Variants in RAB11FIP4 observed in about 807,000 individuals in gnomAD.
RAB11FIP4 encodes RAB11 family interacting protein 4.
In RAB11FIP4, 23 loss-of-function variants were observed where a neutral mutation model predicts 74.3. The ratio of observed to expected loss-of-function variants is 0.31; its 90% CI spans 0.22 to 0.44. RAB11FIP4 has a LOEUF of 0.44. Among genes scored for constraint, RAB11FIP4 ranks in the 20% least tolerant of loss-of-function variants. The pLI is 1.00. For synonymous variants in RAB11FIP4, 360 were observed against 359.9 expected (o/e 1.00, Z 0.00); for missense variants, 630 against 863.9 (o/e 0.73, Z 3.39).
chr17:31,404,216 C>A (rs1446447762), intron 1 of RAB11FIP4, among the ~76,000 whole-genome samples: 1 of 152,246 alleles, frequency 6.6e-6, no homozygotes. Flanking sequence ...ACCACACACT[C>A]CTGTTCCTGC....
At chr17:31,405,511 A>G (rs1467002072) in intron 1 of RAB11FIP4, among the ~76,000 whole-genome samples, 1 of 152,112 alleles carries the variant, frequency 6.6e-6, no homozygotes, top group African/African-American at 2.4e-5. Context: ...CTGGGACTAC[A>G]GGCATTTGCG....
At chr17:31,468,364 G>A (rs912605784) in intron 3 of RAB11FIP4, among the ~76,000 whole-genome samples, 2 of 152,170 alleles carry the variant, frequency 1.3e-5, no homozygotes, top group South Asian at 2.1e-4. Flanking sequence ...GCAGAGTGGA[G>A]AGGGCTTTGG....
intron 1 of RAB11FIP4, among the ~76,000 whole-genome samples, chr17:31,396,625 C>T (rs79140440): frequency 0.02 from 3,007 of 152,194 alleles, 126 homozygotes; most frequent in African/African-American, 0.068. Flanking sequence ...GATCTGGCAC[C>T]GGCCTCTGTG....
intron 3 of RAB11FIP4, among the ~76,000 whole-genome samples, chr17:31,470,002 T>G (rs1014190850): frequency 2.6e-5 from 4 of 152,246 alleles, no homozygotes; most frequent in Non-Finnish European, 5.9e-5. Flanking sequence ...AGGTCCTTCC[T>G]TCACACCATG....
At chr17:31,431,770 G>T (rs1423467521) in intron 1 of RAB11FIP4, 43 bp from the exon 2 acceptor site, 1 of 1,360,138 alleles carries the variant, frequency 7.4e-7, no homozygotes, top group African/African-American at 1.4e-5. Context: ...GTCTTCGGGA[G>T]ATCCTTGGGT....
At chr17:31,499,097 C>G (rs2142765937) in intron 3 of RAB11FIP4, among the ~76,000 whole-genome samples, 1 of 152,332 alleles carries the variant, frequency 6.6e-6, no homozygotes, top group South Asian at 2.1e-4. Flanking sequence ...GCTGGGACCT[C>G]TGGTCCATGC....
intron 1 of RAB11FIP4, among the ~76,000 whole-genome samples, chr17:31,419,254 C>G (rs548482933): frequency 2.7e-5 from 4 of 149,018 alleles, no homozygotes; most frequent in Non-Finnish European, 5.9e-5. Flanking sequence ...TAAGGAAGTT[C>G]CCTTATATTT....
intron 3 of RAB11FIP4, among the ~76,000 whole-genome samples, chr17:31,452,147 A>G (rs2071532908): frequency 6.6e-6 from 1 of 151,760 alleles, no homozygotes. Context: ...CTTGTTTGGC[A>G]CAGTCTTGAT....
chr17:31,517,866 G>T lies in RAB11FIP4; in HGVS notation c.552G>T (p.Leu184=), dbSNP rs1312227423. ...ACGGGGGACTTGGGGGCCTGTTTCT[G>T]CCAGAAGACAAGTGAGTTAAAACCA... ...EKDGGLGGLF[L]PEDKSLVHTP... Residue 184 remains leucine (L), a synonymous_variant, in exon 4 of 15, where the codon CTG becomes CTT. Coordinates refer to ENST00000621161, the MANE Select transcript of RAB11FIP4 (RefSeq NM_032932.6). 1.9e-6 allele frequency: 3 copies of T among 1,551,350 alleles called. No individual in the cohort carries two copies. The highest frequency in any genetic ancestry group is 2.6e-6 in the Non-Finnish European group (3 of 1,146,918).
intron 1 of RAB11FIP4, among the ~76,000 whole-genome samples, chr17:31,400,754 T>C (rs1324628486): frequency 1.3e-5 from 2 of 152,142 alleles, no homozygotes; most frequent in East Asian, 3.9e-4. Context: ...GGAAGAGGGC[T>C]GGGTGAGGAC....
chr17:31,496,526 T>C (rs1364352187), intron 3 of RAB11FIP4, among the ~76,000 whole-genome samples: 2 of 152,248 alleles, frequency 1.3e-5, no homozygotes, highest in African/African-American at 4.8e-5. Flanking sequence ...TGGACATTAC[T>C]CTTCTTCCCT....
At chr17:31,502,304 C>T (rs1008198340) in intron 3 of RAB11FIP4, among the ~76,000 whole-genome samples, 9 of 151,724 alleles carry the variant, frequency 5.9e-5, no homozygotes, top group Admixed American at 2.0e-4. Context: ...ATTGGCTGGG[C>T]GAGGTGGCTC....
intron 14 of RAB11FIP4, chr17:31,531,057 C>T (rs223130): frequency 1 from 157,618 of 157,706 alleles, 78,766 homozygotes; most frequent in Middle Eastern, 1. Flanking sequence ...ACATGAATTA[C>T]AAGACACTCT....
intron 3 of RAB11FIP4, among the ~76,000 whole-genome samples, chr17:31,498,682 A>G (rs2072162101): frequency 1.3e-5 from 2 of 152,204 alleles, no homozygotes; most frequent in Admixed American, 1.3e-4. Context: ...ACCGTGGGTC[A>G]GCTCCATCCA....
chr17:31,517,591 G>C (rs1261812338), intron 3 of RAB11FIP4, 60 bp from the exon 4 acceptor site: 1 of 1,487,462 alleles, frequency 6.7e-7, no homozygotes, highest in Admixed American at 2.0e-5. Flanking sequence ...TGGTCTGATT[G>C]GAACACTGAG....
At chr17:31,491,052 C>T (rs2071998337) in intron 3 of RAB11FIP4, among the ~76,000 whole-genome samples, 1 of 152,260 alleles carries the variant, frequency 6.6e-6, no homozygotes, top group Non-Finnish European at 1.5e-5. Flanking sequence ...GTTACTTCAT[C>T]TCAGGTCTCA....
chr17:31,460,680 T>C (rs760401815), intron 3 of RAB11FIP4, among the ~76,000 whole-genome samples: 11 of 152,182 alleles, frequency 7.2e-5, no homozygotes, highest in Non-Finnish European at 4.4e-5. Flanking sequence ...TGGCTTTCTC[T>C]CTGGGACCAT....
chr17:31,454,798 C>T lies in RAB11FIP4; in HGVS notation c.336+20676C>T, dbSNP rs893334297. On this transcript the variant is annotated intron_variant, in intron 3 of 14. Coordinates refer to ENST00000621161, the MANE Select transcript of RAB11FIP4 (RefSeq NM_032932.6). ...ACTCGGGTGGCTGAGGCAGGAAAAT[C>T]GCTTGAACCCAGGAGGCAGAGGTTT... is the stretch of plus-strand genomic sequence containing the variant. Among the ~76,000 whole-genome samples the T allele has an allele frequency of 5.9e-5, 9 of 152,248 alleles. No individual in the cohort carries two copies. The East Asian group carries it at 1.8e-3, about 30-fold the overall frequency.
chr17:31,508,364 C>T (rs2072392108), intron 3 of RAB11FIP4, among the ~76,000 whole-genome samples: 2 of 152,202 alleles, frequency 1.3e-5, no homozygotes, highest in African/African-American at 2.4e-5. Flanking sequence ...ACTGATTGTC[C>T]CTAAATGGAC....
Sources: gnomAD v4.1 joint callset for allele counts (sites outside exome capture counted in the v4.1 genomes callset) on GRCh38, gnomAD v4.1.1 for gene constraint, MANE v1.5 for transcripts, NCBI Gene and HGNC (gene_info 2026-07-23, HGNC 2026-07-21) for gene names.